ADCK1: variants seen among roughly 807,000 people sequenced by gnomAD.
ADCK1 encodes the protein aarF domain-containing protein kinase 1.
ADCK1 carries 41 observed loss-of-function variants against 52.3 expected under a neutral mutation model. The ratio of observed to expected loss-of-function variants is 0.78; its 90% CI spans 0.61 to 1.02. The LOEUF is 1.02. Among genes scored for constraint, ADCK1 ranks in the 50% least tolerant of loss-of-function variants. ADCK1 has a pLI of 0.00. For missense variants in ADCK1, 658 were observed against 679.5 expected, an observed-to-expected ratio of 0.97 and a Z score of 0.35; for synonymous variants, 250 against 274.6, an observed-to-expected ratio of 0.91 and a Z score of 0.89.
chr14:77,822,020 T>A (rs556285461), intron 2 of ADCK1, among the ~76,000 whole-genome samples: 1 of 152,034 alleles, frequency 6.6e-6, no homozygotes, highest in African/African-American at 2.4e-5. Context: ...ATTGAGCATT[T>A]ACTCAATGTG....
intron 4 of ADCK1, 57 bp downstream of exon 4, chr14:77,859,336 G>T: frequency 1.3e-6 from 2 of 1,538,910 alleles, no homozygotes; most frequent in Non-Finnish European, 1.8e-6. Flanking sequence ...AAAAGGCCCC[G>T]GCTGAATTCT....
At chr14:77,913,313 G>A (rs903667429) in intron 7 of ADCK1, among the ~76,000 whole-genome samples, 7 of 152,290 alleles carry the variant, frequency 4.6e-5, no homozygotes, top group Admixed American at 6.5e-5. Flanking sequence ...TGCCATCTGC[G>A]CTCACCCTGC....
chr14:77,889,771 T>C (rs1211943600), intron 5 of ADCK1, among the ~76,000 whole-genome samples: 1 of 151,896 alleles, frequency 6.6e-6, no homozygotes, highest in Non-Finnish European at 1.5e-5. Context: ...GATAGGGATA[T>C]CCCTGTTGGT....
At chr14:77,903,338 G>T (rs1274156218) in intron 6 of ADCK1, among the ~76,000 whole-genome samples, 1 of 152,208 alleles carries the variant, frequency 6.6e-6, no homozygotes, top group Non-Finnish European at 1.5e-5. Context: ...ACTGGCTCCC[G>T]ATCACAACAT....
intron 7 of ADCK1, among the ~76,000 whole-genome samples, chr14:77,913,577 C>A (rs1566730480): frequency 6.6e-6 from 1 of 152,200 alleles, no homozygotes; most frequent in Non-Finnish European, 1.5e-5. Context: ...TGGGTGGCGC[C>A]TCCCCAAGCC....
At chr14:77,872,631 G>C (rs2082806715) in intron 4 of ADCK1, among the ~76,000 whole-genome samples, 1 of 151,900 alleles carries the variant, frequency 6.6e-6, no homozygotes, top group African/African-American at 2.4e-5. Context: ...CTTCCTTAGA[G>C]CTGGGTCTTC....
At chr14:77,838,775 C>T (rs2082010017) in intron 3 of ADCK1, among the ~76,000 whole-genome samples, 1 of 152,194 alleles carries the variant, frequency 6.6e-6, no homozygotes, top group Admixed American at 6.5e-5. Context: ...GGGGATGTCT[C>T]TCTGCTGTGC....
Position 77,899,252 on chromosome 14 carries a change from C to T in ADCK1, c.735C>T (p.Phe245=). 6.2e-7 allele frequency: 1 copy of T among 1,613,990 alleles called. No individual in the cohort carries two copies. Among genetic ancestry groups the T allele is most frequent in the East Asian group, 2.2e-5 (1 of 44,876 alleles). The change falls in exon 6 of 11, where the codon TTC becomes TTT. Residue 245 remains phenylalanine, a synonymous_variant. Transcript: ENST00000238561. ...KVSQMLRHFD[F]LKVPRIHWDL... is the part of the protein sequence containing the mutation. ...CCCAGATGCTCAGGCATTTTGACTT[C>T]TTGAAGGTAGGTGGGACGATGCAAT...
chr14:77,870,541 C>T (rs73313116), intron 4 of ADCK1, among the ~76,000 whole-genome samples: 7,744 of 152,220 alleles, frequency 0.051, 216 homozygotes, highest in South Asian at 0.065. Context: ...AGGGGCCCTG[C>T]GAGGAGGCTC....
At chr14:77,861,805 C>G (rs921125314) in intron 4 of ADCK1, among the ~76,000 whole-genome samples, 2 of 152,190 alleles carry the variant, frequency 1.3e-5, no homozygotes, top group Non-Finnish European at 2.9e-5. Context: ...GGGCCCGGCC[C>G]TGTGGGGCAT....
At chr14:77,868,896 G>A (rs1030041328) in intron 4 of ADCK1, among the ~76,000 whole-genome samples, 7 of 152,304 alleles carry the variant, frequency 4.6e-5, no homozygotes, top group Admixed American at 1.3e-4. Context: ...AGGCAGAACC[G>A]TGCACAGAGG....
At chr14:77,854,555 C>CT (rs60062127) in intron 3 of ADCK1, among the ~76,000 whole-genome samples, 12,926 of 127,974 alleles carry the variant, frequency 0.1, 1,086 homozygotes, top group African/African-American at 0.18. Context: ...TCGGAGTGGG[C>CT]TTTTTTTTTT....
chr14:77,914,569 T>C, intron 7 of ADCK1: 1 of 985,376 alleles, frequency 1.0e-6, no homozygotes, highest in Non-Finnish European at 1.2e-6. Context: ...TGGGTGAGGC[T>C]TTATAGAGGT....
chr14:77,872,661 TC>T (rs1426656231), intron 4 of ADCK1, among the ~76,000 whole-genome samples: 1 of 141,596 alleles, frequency 7.1e-6, no homozygotes, highest in Non-Finnish European at 1.5e-5. Flanking sequence ...CGCCCCCAGG[TC>T]CCCTTTCCCC....
intron 4 of ADCK1, among the ~76,000 whole-genome samples, chr14:77,879,138 G>A (rs1227993420): frequency 6.6e-6 from 1 of 152,114 alleles, no homozygotes; most frequent in Non-Finnish European, 1.5e-5. Context: ...AGCTCCCCTG[G>A]ATCAGCTGGA....
intron 4 of ADCK1, among the ~76,000 whole-genome samples, chr14:77,862,064 T>C (rs937692529): frequency 6.6e-6 from 1 of 152,208 alleles, no homozygotes; most frequent in African/African-American, 2.4e-5. Flanking sequence ...ATTCCCAGGC[T>C]GGTGATTCGT....
Position 77,924,556 on chromosome 14 carries a change from C to G in ADCK1, c.958C>G (p.Pro320Ala), listed in dbSNP as rs746495714. 1 of 1,613,966 alleles carries G rather than the reference C, an allele frequency of 6.2e-7. No individual in the cohort carries two copies. The highest frequency in any genetic ancestry group is 2.2e-5 in the East Asian group (1 of 44,882). Residue 320 changes from proline to alanine, a missense_variant, in exon 8 of 11, where the codon CCC becomes GCC. Coordinates refer to ENST00000238561, the MANE Select transcript of ADCK1 (RefSeq NM_020421.4). The stretch of plus-strand genomic sequence containing the variant: ...CGGCAATGTACTGGTGCGGAAGCAC[C>G]CCGGCACGGGAAAGGCGGAGATTGT... ...HPGNVLVRKH[P>A]GTGKAEIVLL...
rs1035008188 is a variant in ADCK1, at chr14:77,876,664, C to A, written c.424-10427C>A. ...ACAAATGAGCATGCGCCCCAGTAAA[C>A]CACAGGTCTACCAAGGCAGAGAGAG... On this transcript the variant is annotated intron_variant, in intron 4 of 10. Coordinates refer to ENST00000238561, the MANE Select transcript of ADCK1 (RefSeq NM_020421.4). Among the ~76,000 whole-genome samples the A allele has an allele frequency of 2.0e-5, 3 of 152,152 alleles. No homozygotes were observed. In the East Asian group the frequency reaches 5.8e-4, roughly 29 times the overall value.
Position 77,882,604 on chromosome 14 carries a change from C to G in ADCK1, c.424-4487C>G, listed in dbSNP as rs150685019. Among the ~76,000 whole-genome samples the G allele has an allele frequency of 7.0e-3, 1,072 of 152,308 alleles. 14 individuals carry two copies. Among genetic ancestry groups the G allele is most frequent in the African/African-American group, 0.025 (1,030 of 41,556 alleles). ...ATTGAGGAGCCCCTTCCCTGAGGGC[C>G]CTGAGGCTGGCCACGCTGTGGCATC... On this transcript the variant is annotated intron_variant, in intron 4 of 10. Coordinates refer to ENST00000238561, the MANE Select transcript of ADCK1 (RefSeq NM_020421.4).
Sources: gnomAD v4.1 joint callset for allele counts (sites outside exome capture counted in the v4.1 genomes callset) on GRCh38, gnomAD v4.1.1 for gene constraint, MANE v1.5 for transcripts, NCBI Gene and HGNC (gene_info 2026-07-23, HGNC 2026-07-21) for gene names.